The following DPP6 variants were observed in gnomAD, a reference collection of about 807,000 sequenced individuals.
The protein encoded by DPP6 is A-type potassium channel modulatory protein DPP6.
DPP6 carries 69 observed loss-of-function variants against 122.6 expected under a neutral mutation model. The observed-to-expected ratio is 0.56, with a 90% CI of 0.46 to 0.69. The LOEUF is 0.69. Ranked by LOEUF, DPP6 falls within the 30% of genes least tolerant of loss-of-function variation. DPP6 has a pLI of 0.00. For synonymous variants in DPP6, 418 were observed against 433.1 expected (o/e 0.97, Z 0.43); for missense variants, 928 against 1,116.9 (o/e 0.83, Z 2.41).
intron 6 of DPP6, among the ~76,000 whole-genome samples, chr7:154,646,767 A>G (rs573983306): frequency 2.2e-4 from 34 of 152,276 alleles, no homozygotes; most frequent in Non-Finnish European, 3.8e-4. Flanking sequence ...ACAGGGTGAC[A>G]CTGTGACTTT....
chr7:154,844,980 G>T (rs1801833732), intron 16 of DPP6, among the ~76,000 whole-genome samples: 1 of 152,150 alleles, frequency 6.6e-6, no homozygotes, highest in Middle Eastern at 3.2e-3. Flanking sequence ...AGTGAAAAGG[G>T]CAGGGGATTC....
chr7:154,855,201 A>G (rs893485448), intron 17 of DPP6, among the ~76,000 whole-genome samples: 1 of 152,238 alleles, frequency 6.6e-6, no homozygotes, highest in Non-Finnish European at 1.5e-5. Flanking sequence ...TTAAAGAGAC[A>G]GCACTTAGCC....
chr7:153,906,056 C>T (rs1009412634), intron 1 of DPP6, among the ~76,000 whole-genome samples: 1 of 152,138 alleles, frequency 6.6e-6, no homozygotes, highest in Admixed American at 6.6e-5. Flanking sequence ...ATTTTAAGAG[C>T]ACTAAAGGGC....
intron 10 of DPP6, among the ~76,000 whole-genome samples, chr7:154,783,331 C>T (rs1797141380): frequency 6.6e-6 from 1 of 152,164 alleles, no homozygotes; most frequent in South Asian, 2.1e-4. Context: ...AGGGTCTTCT[C>T]TCGTCTCTGC....
At chr7:154,450,568 C>T (rs1208029731) in intron 2 of DPP6, among the ~76,000 whole-genome samples, 2 of 152,136 alleles carry the variant, frequency 1.3e-5, no homozygotes, top group African/African-American at 2.4e-5. Flanking sequence ...GGAGCAGTTC[C>T]GGGAGAGAGA....
At chr7:154,030,740 T>C (rs1787484907) in intron 1 of DPP6, among the ~76,000 whole-genome samples, 1 of 152,108 alleles carries the variant, frequency 6.6e-6, no homozygotes, top group Non-Finnish European at 1.5e-5. Context: ...GCGTCTGGAC[T>C]TCCCCACTCC....
intron 1 of DPP6, among the ~76,000 whole-genome samples, chr7:154,160,193 G>A (rs6951465): frequency 0.19 from 29,164 of 150,114 alleles, 7,207 homozygotes; most frequent in African/African-American, 0.58. Flanking sequence ...AAGTAGCAAA[G>A]ACAGGACTTG....
At chr7:154,659,008 G>T (rs1486233000) in intron 6 of DPP6, among the ~76,000 whole-genome samples, 2 of 152,232 alleles carry the variant, frequency 1.3e-5, no homozygotes. Context: ...AGCAGAGGAT[G>T]AATGACCACC....
At chr7:154,824,947 A>G (rs1800046010) in intron 16 of DPP6, among the ~76,000 whole-genome samples, 1 of 152,230 alleles carries the variant, frequency 6.6e-6, no homozygotes, top group Non-Finnish European at 1.5e-5. Context: ...CCATTCAGAA[A>G]TTGTTAGATT....
intron 1 of DPP6, among the ~76,000 whole-genome samples, chr7:154,111,620 CGTGTGTGTGTGTGT>C (rs71309604): frequency 9.6e-5 from 13 of 134,908 alleles, no homozygotes; most frequent in African/African-American, 2.5e-4. Flanking sequence ...GGCAGGGTTT[CGTGTGTGTGTGTGT>C]GTGTGTGTGT....
chr7:154,653,692 A>C (rs1199106943), intron 6 of DPP6, among the ~76,000 whole-genome samples: 1 of 152,210 alleles, frequency 6.6e-6, no homozygotes, highest in Non-Finnish European at 1.5e-5. Context: ...TGGCACAAGC[A>C]TCATCTCATT....
chr7:154,122,276 C>T (rs1807530549), intron 1 of DPP6, among the ~76,000 whole-genome samples: 2 of 152,026 alleles, frequency 1.3e-5, no homozygotes, highest in Non-Finnish European at 2.9e-5. Flanking sequence ...TCAGAGGTGG[C>T]GTGGTGTGGA....
In DPP6 at chr7:154,063,481, T is replaced by C. The variant is rs1201910531; in HGVS notation, c.243+10418T>C. Reference sequence around the variant, plus strand: ...CCGCGAGGCAGGGACTGAGAGCCATTCCCTCTTCCCCCCCTGGCTCTTAAG... The same window carrying C: ...CCGCGAGGCAGGGACTGAGAGCCATCCCCTCTTCCCCCCCTGGCTCTTAAG... On this transcript the variant is annotated intron_variant, in intron 1 of 25. Transcript: ENST00000377770. 2.7e-3 allele frequency among the ~76,000 whole-genome samples: 272 copies of C among 102,074 alleles called. 23 individuals carry two copies. The highest frequency in any genetic ancestry group is 8.3e-3 in the African/African-American group (234 of 28,032). The allele number at this position is 102,074 out of a possible 152,430, so 67.0% of individuals were successfully genotyped here.
At chr7:154,313,427 C>T (rs1035477209) in intron 1 of DPP6, among the ~76,000 whole-genome samples, 1 of 151,788 alleles carries the variant, frequency 6.6e-6, no homozygotes, top group African/African-American at 2.4e-5. Flanking sequence ...TTGTAAAGTT[C>T]TAGAAGGGAG....
At chr7:154,544,522 G>A (rs79545904) in intron 4 of DPP6, among the ~76,000 whole-genome samples, 4,080 of 152,214 alleles carry the variant, frequency 0.027, 81 homozygotes, top group East Asian at 0.072. Flanking sequence ...ATGAATGACC[G>A]CTCTAGAATA....
intron 1 of DPP6, among the ~76,000 whole-genome samples, chr7:153,992,069 G>A (rs1182405787): frequency 3.3e-5 from 5 of 152,166 alleles, no homozygotes; most frequent in Non-Finnish European, 5.9e-5. Context: ...TACATTAAAT[G>A]CATTTATAAG....
intron 5 of DPP6, among the ~76,000 whole-genome samples, chr7:154,584,781 C>A (rs1249151974): frequency 6.6e-6 from 1 of 152,192 alleles, no homozygotes; most frequent in African/African-American, 2.4e-5. Context: ...CAGCCAGTCG[C>A]TACGATTACT....
the DPP6 span, among the ~76,000 whole-genome samples, chr7:153,848,380 CCTTGTTATCTGCT>C: frequency 2.4e-4 from 36 of 151,794 alleles, no homozygotes; most frequent in African/African-American, 8.5e-4. Context: ...CCTTACACTT[CCTTGTTATCTGCT>C]CTTAGAGAAT....
Position 154,241,890 on chromosome 7 carries a change from C to A in DPP6, c.243+188827C>A, listed in dbSNP as rs575072571. Among the ~76,000 whole-genome samples, 2 of 152,322 alleles carry A rather than the reference C, an allele frequency of 1.3e-5. No individual in the cohort carries two copies. Among genetic ancestry groups the A allele is most frequent in the South Asian group, 4.1e-4 (2 of 4,822 alleles). ...CACCCACCCCTACCCCAACACTCAT[C>A]CTACTTACCTTCCTCTGGCATTCAC... is the stretch of plus-strand genomic sequence containing the variant. On this transcript the variant is annotated intron_variant, in intron 1 of 25. Coordinates refer to ENST00000377770, the MANE Select transcript of DPP6 (RefSeq NM_130797.4). The surrounding 1 kb of genome is among the most constrained non-coding windows in gnomAD (Gnocchi z 9.0).
Sources: gnomAD v4.1 joint callset for allele counts (sites outside exome capture counted in the v4.1 genomes callset) on GRCh38, gnomAD v4.1.1 for gene constraint, Gnocchi (gnomAD v3.1) non-coding constraint, MANE v1.5 for transcripts, NCBI Gene and HGNC (gene_info 2026-07-23, HGNC 2026-07-21) for gene names.